Variants in ADGRL3 observed in about 807,000 individuals in gnomAD.
The protein encoded by ADGRL3 is adhesion G protein-coupled receptor L3.
A neutral mutation model predicts 153.5 loss-of-function variants in ADGRL3; 62 were observed. The observed-to-expected ratio is 0.40, with a 90% CI of 0.33 to 0.50. The LOEUF is 0.50. Among genes scored for constraint, ADGRL3 ranks in the 20% least tolerant of loss-of-function variants. The pLI is 0.47. For synonymous variants in ADGRL3, 710 were observed against 672.5 expected (o/e 1.06, Z -0.86); for missense variants, 1,641 against 1,859.4 (o/e 0.88, Z 2.16).
At chr4:61,367,216 T>A (rs2096414346) in intron 1 of ADGRL3, among the ~76,000 whole-genome samples, 1 of 152,018 alleles carries the variant, frequency 6.6e-6, no homozygotes, top group Non-Finnish European at 1.5e-5. Context: ...GACAAGTTTT[T>A]TAAAACTGTC....
At chr4:61,923,025 C>A (rs904799152) in intron 13 of ADGRL3, among the ~76,000 whole-genome samples, 32 of 152,056 alleles carry the variant, frequency 2.1e-4, no homozygotes, top group African/African-American at 7.5e-4. Flanking sequence ...AATGTGACTA[C>A]CTGGAGAAGA....
At chr4:61,571,083 T>C (rs1407074867) in intron 4 of ADGRL3, among the ~76,000 whole-genome samples, 1 of 151,958 alleles carries the variant, frequency 6.6e-6, no homozygotes, top group Non-Finnish European at 1.5e-5. Context: ...GAGTAGGGGA[T>C]GCAAGAGATG....
chr4:61,853,224 C>A (rs1007236369), intron 9 of ADGRL3, among the ~76,000 whole-genome samples: 11 of 152,038 alleles, frequency 7.2e-5, no homozygotes, highest in African/African-American at 2.4e-4. Context: ...CTTTGGGTCA[C>A]CCCATTAGCA....
At chr4:61,871,629 G>A (rs552930136) in intron 9 of ADGRL3, among the ~76,000 whole-genome samples, 8 of 152,226 alleles carry the variant, frequency 5.3e-5, no homozygotes, top group East Asian at 1.9e-4. Flanking sequence ...GGGAACATGG[G>A]GAATGACTAC....
chr4:61,446,680 A>G (rs1013044066), intron 2 of ADGRL3, among the ~76,000 whole-genome samples: 5 of 152,172 alleles, frequency 3.3e-5, no homozygotes, highest in Non-Finnish European at 7.4e-5. Flanking sequence ...CAGTTTGTAA[A>G]TGTGGAGCTC....
chr4:61,264,828 C>T (rs2149672133), intron 1 of ADGRL3, among the ~76,000 whole-genome samples: 1 of 151,994 alleles, frequency 6.6e-6, no homozygotes, highest in Admixed American at 6.6e-5. Flanking sequence ...TGAAAGTATA[C>T]ATTATGCTTG....
Position 62,072,505 on chromosome 4 carries a change from C to G in ADGRL3, c.*1597C>G, listed in dbSNP as rs1005250200. 1.3e-5 allele frequency: 2 copies of G among 152,444 alleles called. No homozygotes were observed. The highest frequency in any genetic ancestry group is 4.8e-5 in the African/African-American group (2 of 41,422). The allele number at this position is 152,444 out of a possible 1,614,324, so 9.4% of individuals were successfully genotyped here. On this transcript the variant is annotated 3_prime_UTR_variant, in exon 27 of 27. Transcript: ENST00000683033. ...CTTTTTATTTTTCTCGCCTTTCTTT[C>G]TTTCTGTTTTCAATACATAAACTTT...
At chr4:61,226,950 G>T (rs796581828) in intron 1 of ADGRL3, among the ~76,000 whole-genome samples, 28 of 152,290 alleles carry the variant, frequency 1.8e-4, no homozygotes, top group African/African-American at 6.5e-4. Context: ...ATATCCTGCT[G>T]TGAAATCATA....
At chr4:61,443,375 C>T (rs2097547523) in intron 2 of ADGRL3, among the ~76,000 whole-genome samples, 1 of 151,966 alleles carries the variant, frequency 6.6e-6, no homozygotes, top group African/African-American at 2.4e-5. Context: ...CAATTAGAGG[C>T]ATGTTCTTTT....
intron 15 of ADGRL3, among the ~76,000 whole-genome samples, chr4:61,939,236 G>A (rs1460990311): frequency 6.6e-6 from 1 of 152,050 alleles, no homozygotes; most frequent in Non-Finnish European, 1.5e-5. Flanking sequence ...CCTTAACATT[G>A]CAATTGAGAA....
At chr4:61,878,647 A>T (rs2098490463) in intron 9 of ADGRL3, among the ~76,000 whole-genome samples, 1 of 152,202 alleles carries the variant, frequency 6.6e-6, no homozygotes, top group Non-Finnish European at 1.5e-5. Flanking sequence ...GGAGTAAATC[A>T]AGATTGTTGA....
At chr4:61,463,323 A>G (rs112255661) in intron 2 of ADGRL3, among the ~76,000 whole-genome samples, 7,437 of 152,288 alleles carry the variant, frequency 0.049, 194 homozygotes, top group African/African-American at 0.065. Flanking sequence ...TACAGGAAGC[A>G]TGGCTAGCAG....
At chr4:61,939,652 T>G (rs1173168247) in intron 15 of ADGRL3, among the ~76,000 whole-genome samples, 1 of 151,924 alleles carries the variant, frequency 6.6e-6, no homozygotes, top group Non-Finnish European at 1.5e-5. Flanking sequence ...GTATTTTTAG[T>G]AGAGACAGGG....
intron 2 of ADGRL3, among the ~76,000 whole-genome samples, chr4:61,430,494 C>A (rs1322865649): frequency 6.6e-6 from 1 of 152,136 alleles, no homozygotes; most frequent in African/African-American, 2.4e-5. Context: ...GAGAGTAAGA[C>A]ACTGTACATG....
intron 8 of ADGRL3, among the ~76,000 whole-genome samples, chr4:61,734,790 T>A (rs2096487739): frequency 6.6e-6 from 1 of 152,184 alleles, no homozygotes. Flanking sequence ...ATTCGAAAAT[T>A]AAATTATTTT....
chr4:61,862,631 C>T (rs2098354559), intron 9 of ADGRL3, among the ~76,000 whole-genome samples: 2 of 152,170 alleles, frequency 1.3e-5, no homozygotes, highest in South Asian at 4.1e-4. Flanking sequence ...TAATGGCCTT[C>T]CCCTCCTTAG....
chr4:61,690,606 A>T (rs2095522974), intron 6 of ADGRL3, among the ~76,000 whole-genome samples: 1 of 152,114 alleles, frequency 6.6e-6, no homozygotes, highest in African/African-American at 2.4e-5. Flanking sequence ...AACACATTTG[A>T]TGTTACATTT....
At chr4:61,358,720 A>G (rs1328984901) in intron 1 of ADGRL3, among the ~76,000 whole-genome samples, 2 of 151,912 alleles carry the variant, frequency 1.3e-5, no homozygotes, top group African/African-American at 2.4e-5. Flanking sequence ...GTTTTCTTCA[A>G]TGATTTCTCA....
chr4:61,405,463 A>G (rs1264240431), intron 2 of ADGRL3, among the ~76,000 whole-genome samples: 1 of 151,972 alleles, frequency 6.6e-6, no homozygotes, highest in Non-Finnish European at 1.5e-5. Context: ...GATTTATGGC[A>G]ATAAAAATTT....
Sources: allele counts gnomAD v4.1 joint callset (sites outside exome capture counted in the v4.1 genomes callset), GRCh38; gene constraint gnomAD v4.1.1; transcripts MANE v1.5; gene names NCBI Gene and HGNC (gene_info 2026-07-23, HGNC 2026-07-21).